MYO18A: variants seen among roughly 807,000 people sequenced by gnomAD.
The protein encoded by MYO18A is unconventional myosin-XVIIIa.
A neutral mutation model predicts 235.8 loss-of-function variants in MYO18A; 78 were observed. The ratio of observed to expected loss-of-function variants is 0.33; its 90% CI spans 0.28 to 0.40. The LOEUF (loss-of-function observed/expected upper bound fraction) is 0.40, where lower values mean the gene tolerates loss of function less well. Among genes scored for constraint, MYO18A ranks in the 10% least tolerant of loss-of-function variants. The pLI is 1.00. For missense variants in MYO18A, 2,215 were observed against 2,699.3 expected (o/e 0.82, Z 3.98); for synonymous variants, 977 against 1,077.8 (o/e 0.91, Z 1.83).
intron 34 of MYO18A, 55 bp downstream of exon 34, chr17:29,092,288 A>G (rs1338434644): frequency 1.5e-6 from 2 of 1,329,494 alleles, no homozygotes; most frequent in African/African-American, 1.4e-5. Flanking sequence ...CCACAGAGGC[A>G]GCTCTATTCT....
In MYO18A at chr17:29,120,594, G is replaced by C. The variant is rs373903270; in HGVS notation, c.1728+22C>G. The C allele has an allele frequency of 1.2e-6, 2 of 1,608,732 alleles. No individual in the cohort carries two copies. Among genetic ancestry groups the C allele is most frequent in the East Asian group, 2.2e-5 (1 of 44,840 alleles). The stretch of plus-strand genomic sequence containing the variant: ...CATGTGGCCTGTGTCCTACTACCCC[G>C]AGTCCTGGGCAGCACTCTCACCTGA... On this transcript the variant is annotated intron_variant, in intron 7 of 41. Transcript: ENST00000527372. This position sits in a 1 kb window ranked among gnomAD's most constrained non-coding sequence, Gnocchi z 4.2.
intron 2 of MYO18A, among the ~76,000 whole-genome samples, chr17:29,134,626 G>A (rs992376515): frequency 1.3e-5 from 2 of 152,056 alleles, no homozygotes; most frequent in African/African-American, 2.4e-5. Flanking sequence ...GGACTCAAGC[G>A]ATTCTCCTGC....
chr17:29,173,082 A>G (rs570424707), intron 1 of MYO18A, among the ~76,000 whole-genome samples: 1 of 147,308 alleles, frequency 6.8e-6, no homozygotes, highest in African/African-American at 2.6e-5. Context: ...AAAAGTAATT[A>G]TGGTTTTTGC....
At chr17:29,116,840 G>C (rs1053495172) in intron 10 of MYO18A, among the ~76,000 whole-genome samples, 2 of 150,984 alleles carry the variant, frequency 1.3e-5, no homozygotes, top group African/African-American at 4.9e-5. Flanking sequence ...AGTTGGGGCT[G>C]GGTAGGTTAG....
intron 2 of MYO18A, among the ~76,000 whole-genome samples, chr17:29,130,790 G>C (rs2067453660): frequency 6.6e-6 from 1 of 152,142 alleles, no homozygotes; most frequent in Admixed American, 6.5e-5. Context: ...TCTTGCCTTA[G>C]GAGAGTCCAG....
chr17:29,130,125 T>C (rs766556730), intron 2 of MYO18A, among the ~76,000 whole-genome samples: 19 of 151,302 alleles, frequency 1.3e-4, no homozygotes, highest in Non-Finnish European at 2.2e-4. Context: ...GGTGAAACTG[T>C]TTCTACAAAA....
At chr17:29,149,173 T>A (rs977083808) in intron 2 of MYO18A, among the ~76,000 whole-genome samples, 2 of 152,248 alleles carry the variant, frequency 1.3e-5, no homozygotes, top group Admixed American at 1.3e-4. Context: ...CAAGATGGCC[T>A]CTCGCCGTCC....
In MYO18A at chr17:29,115,060, C is replaced by A. The variant is rs201454877; in HGVS notation, c.2358G>T (p.Met786Ile). The A allele has an allele frequency of 2.5e-6, 4 of 1,613,824 alleles. No homozygotes were observed. Among genetic ancestry groups the A allele is most frequent in the Non-Finnish European group, 3.4e-6 (4 of 1,179,862 alleles). Residue 786 changes from methionine to isoleucine, a missense_variant, in exon 14 of 42, where the codon ATG becomes ATT. Coordinates refer to ENST00000527372, the MANE Select transcript of MYO18A (RefSeq NM_078471.4). The part of the protein sequence containing the change: ...KSSQHSLCSM[M>I]IVDTPGFQNP... ...TCTGGAAGCCCGGGGTGTCGACAAT[C>A]ATCATGGAGCAGAGTGAGTGCTGGC...
In MYO18A at chr17:29,128,834, C is replaced by T. The variant is rs557886853; in HGVS notation, c.1000-6581G>A. On this transcript the variant is annotated intron_variant, in intron 2 of 41. Transcript: ENST00000527372. Reference sequence around the variant, plus strand: ...GACTTAGCATGGACCTGTGAGATGCCGGCACAGAGCGCCGAGAGGCCTATG... The same window carrying T: ...GACTTAGCATGGACCTGTGAGATGCTGGCACAGAGCGCCGAGAGGCCTATG... Among the ~76,000 whole-genome samples the T allele has an allele frequency of 1.2e-4, 18 of 152,276 alleles. 1 individual carries two copies. Among genetic ancestry groups the T allele is most frequent in the African/African-American group, 2.6e-4 (11 of 41,530 alleles).
intron 13 of MYO18A, 125 bp downstream of exon 13, chr17:29,115,226 C>T (rs1056462803): frequency 2.2e-5 from 32 of 1,431,384 alleles, no homozygotes; most frequent in Non-Finnish European, 2.8e-5. Flanking sequence ...TGGCCTTGCT[C>T]ATAGCCCATG....
At chr17:29,132,506 T>C (rs2067496388) in intron 2 of MYO18A, among the ~76,000 whole-genome samples, 1 of 152,128 alleles carries the variant, frequency 6.6e-6, no homozygotes, top group African/African-American at 2.4e-5. Context: ...CCCAGCACAA[T>C]GTGGGTAGGA....
rs1598288506 is a variant in MYO18A at position 29,093,307 on chromosome 17, T to A, written c.4926+16A>T. 3 of 1,602,506 alleles carry A rather than the reference T, an allele frequency of 1.9e-6. No homozygotes were observed. The highest frequency in any genetic ancestry group is 2.7e-5 in the African/African-American group (2 of 74,720). ...CAGGGAGCCGGCCAGGCTTGGTGGG[T>A]GGAGCATCCCCTGACCTGGTCGCTG... On this transcript the variant is annotated intron_variant, in intron 32 of 41. Coordinates refer to ENST00000527372, the MANE Select transcript of MYO18A (RefSeq NM_078471.4).
intron 34 of MYO18A, chr17:29,091,135 A>C: frequency 1.8e-6 from 1 of 558,506 alleles, no homozygotes; most frequent in Non-Finnish European, 3.2e-6. Flanking sequence ...CAGTACAGGC[A>C]GACCCTGGGC....
chr17:29,128,395 T>C lies in MYO18A; in HGVS notation c.1000-6142A>G, dbSNP rs778394238. ...GGGACAGGCCCTGGGCCTCTTCGCT[T>C]AGGCCTTCTGCTGTGGCAGCTCCCG... On this transcript the variant is annotated intron_variant, in intron 2 of 41. Coordinates refer to ENST00000527372, the MANE Select transcript of MYO18A (RefSeq NM_078471.4). 41 of 1,289,006 alleles carry C rather than the reference T, an allele frequency of 3.2e-5. No homozygotes were observed. In the South Asian group the frequency reaches 4.4e-4, roughly 14 times the overall value. The allele number at this position is 1,289,006 out of a possible 1,614,324, so 79.8% of individuals were successfully genotyped here.
chr17:29,123,710 G>A (rs2067254660), intron 2 of MYO18A, among the ~76,000 whole-genome samples: 1 of 152,216 alleles, frequency 6.6e-6, no homozygotes, highest in Non-Finnish European at 1.5e-5. Context: ...TGTGTTAAGT[G>A]AGGACATTAA....
At chr17:29,174,793 C>T (rs1000642805) in intron 1 of MYO18A, among the ~76,000 whole-genome samples, 39 of 151,396 alleles carry the variant, frequency 2.6e-4, no homozygotes, top group Admixed American at 2.2e-3. Context: ...CCAGCCTGCG[C>T]GAAAGGGCGA....
chr17:29,143,247 AAAAC>A (rs769470280), intron 2 of MYO18A, among the ~76,000 whole-genome samples: 3 of 152,178 alleles, frequency 2.0e-5, no homozygotes, highest in African/African-American at 7.2e-5. Context: ...TACTTAAAAC[AAAAC>A]AAACAAACAA....
chr17:29,105,732 C>G (rs930778615), intron 20 of MYO18A, among the ~76,000 whole-genome samples: 3 of 152,132 alleles, frequency 2.0e-5, no homozygotes, highest in Admixed American at 6.5e-5. Flanking sequence ...CAATAGCAGA[C>G]AGGAAGCCTG....
rs770465560 is a variant in MYO18A, at chr17:29,086,524, T to C, written c.5766A>G (p.Leu1922=). The change falls in exon 39 of 42, where the codon CTA becomes CTG. Residue 1922 remains leucine (L), a synonymous_variant. Coordinates refer to ENST00000527372, the MANE Select transcript of MYO18A (RefSeq NM_078471.4). Reference sequence around the variant, plus strand: ...CCCCGATGCGCTTGAATGCCAACTTTAGGTCAGCCTGCAGGCTCTGGTTAG... The same window carrying C: ...CCCCGATGCGCTTGAATGCCAACTTCAGGTCAGCCTGCAGGCTCTGGTTAG... The part of the protein sequence containing the change: ...EAANQSLQAD[L]KLAFKRIGDL... 2 of 1,613,010 alleles carry C rather than the reference T, an allele frequency of 1.2e-6. No individual in the cohort carries two copies. Among genetic ancestry groups the C allele is most frequent in the Middle Eastern group, 1.7e-4 (1 of 6,016 alleles).
Sources: allele counts gnomAD v4.1 joint callset (sites outside exome capture counted in the v4.1 genomes callset), GRCh38; gene constraint gnomAD v4.1.1; non-coding constraint Gnocchi (gnomAD v3.1); transcripts MANE v1.5; gene names NCBI Gene and HGNC (gene_info 2026-07-23, HGNC 2026-07-21).